UXS1: variants seen among roughly 807,000 people sequenced by gnomAD.
UXS1 encodes the protein UDP-glucuronate decarboxylase 1.
Under a neutral mutation model 62.6 loss-of-function variants are expected in UXS1, and 33 were observed. That is an observed-to-expected ratio of 0.53 (90% CI 0.40 to 0.70). UXS1 has a LOEUF of 0.70. Among genes scored for constraint, UXS1 ranks in the 30% least tolerant of loss-of-function variants. The probability of loss-of-function intolerance (pLI) is 0.00; values close to 1 mark genes in which losing one functional copy is unlikely to be tolerated. For synonymous variants in UXS1, 213 were observed against 206.8 expected (o/e 1.03, Z -0.26); for missense variants, 434 against 556.3 (o/e 0.78, Z 2.21).
intron 1 of UXS1, among the ~76,000 whole-genome samples, chr2:106,178,956 G>A (rs993871448): frequency 2.0e-5 from 3 of 152,316 alleles, no homozygotes; most frequent in East Asian, 3.9e-4. Flanking sequence ...ACAGCAGGGC[G>A]GTGTTGATAA....
At chr2:106,094,879 G>GT (rs1676948894) in intron 14 of UXS1, among the ~76,000 whole-genome samples, 3 of 152,234 alleles carry the variant, frequency 2.0e-5, no homozygotes, top group Admixed American at 6.5e-5. Flanking sequence ...GGTTTCACAG[G>GT]TGTCAAAATA....
chr2:106,144,393 CAAG>C (rs1330439484), intron 6 of UXS1, among the ~76,000 whole-genome samples: 3 of 152,070 alleles, frequency 2.0e-5, no homozygotes, highest in Non-Finnish European at 2.9e-5. Context: ...GAAGAAACAG[CAAG>C]AAGAATATGA....
intron 5 of UXS1, among the ~76,000 whole-genome samples, chr2:106,147,674 T>C (rs1228347080): frequency 1.3e-5 from 2 of 152,184 alleles, no homozygotes; most frequent in East Asian, 3.8e-4. Flanking sequence ...GCCAAACCAA[T>C]GTAAAAGCCC....
chr2:106,139,406 G>A (rs911454613), intron 6 of UXS1, among the ~76,000 whole-genome samples: 1 of 152,118 alleles, frequency 6.6e-6, no homozygotes, highest in East Asian at 1.9e-4. Flanking sequence ...GCACAGCTGC[G>A]ACTTACTCGG....
intron 11 of UXS1, among the ~76,000 whole-genome samples, chr2:106,103,443 G>A (rs143321824): frequency 7.7e-4 from 118 of 152,344 alleles, no homozygotes; most frequent in Admixed American, 2.5e-3. Context: ...ACAGCTGGGT[G>A]AGTGGAGGAG....
chr2:106,183,745 A>T (rs1406114509), intron 1 of UXS1: 1 of 152,248 alleles, frequency 6.6e-6, no homozygotes, highest in African/African-American at 2.4e-5. Flanking sequence ...AGCTCTTTAG[A>T]GAAATCCCTT....
At chr2:106,170,980 A>G (rs1683518268) in intron 1 of UXS1, among the ~76,000 whole-genome samples, 1 of 152,102 alleles carries the variant, frequency 6.6e-6, no homozygotes, top group Non-Finnish European at 1.5e-5. Flanking sequence ...ATCAATATTA[A>G]GTAAAGTAAG....
chr2:106,155,027 G>C (rs1682326634), intron 5 of UXS1, among the ~76,000 whole-genome samples: 1 of 152,102 alleles, frequency 6.6e-6, no homozygotes, highest in Non-Finnish European at 1.5e-5. Context: ...GGCAAGACAG[G>C]GAGAAGAAGG....
intron 6 of UXS1, among the ~76,000 whole-genome samples, chr2:106,140,298 T>C (rs752070956): frequency 2.0e-5 from 3 of 152,172 alleles, no homozygotes; most frequent in Non-Finnish European, 4.4e-5. Context: ...GGCTGCTCCA[T>C]AGGAAGCCTC....
chr2:106,096,571 A>C, intron 14 of UXS1, 147 bp downstream of exon 14: 1 of 608,306 alleles, frequency 1.6e-6, no homozygotes, highest in South Asian at 2.9e-5. Context: ...GCTGTTTACC[A>C]CTTGGAGAAA....
chr2:106,124,995 C>CT (rs1679812550), intron 8 of UXS1, among the ~76,000 whole-genome samples: 1 of 152,188 alleles, frequency 6.6e-6, no homozygotes, highest in African/African-American at 2.4e-5. Context: ...TCTCCTGAAC[C>CT]TTGCACACCC....
At chr2:106,143,437 A>G (rs961954288) in intron 6 of UXS1, among the ~76,000 whole-genome samples, 2 of 122,750 alleles carry the variant, frequency 1.6e-5, no homozygotes, top group Admixed American at 8.5e-5. Flanking sequence ...AAAAAAAAAA[A>G]AGGTATAATT....
At chr2:106,144,019 C>T (rs1276666916) in intron 6 of UXS1, among the ~76,000 whole-genome samples, 2 of 152,336 alleles carry the variant, frequency 1.3e-5, no homozygotes, top group African/African-American at 4.8e-5. Flanking sequence ...TTGATTCTAT[C>T]AGCAAAGTCC....
At chr2:106,161,114 A>G (rs1470361955) in intron 4 of UXS1, among the ~76,000 whole-genome samples, 2 of 122,362 alleles carry the variant, frequency 1.6e-5, no homozygotes, top group Non-Finnish European at 3.5e-5. Flanking sequence ...TGGCTGGGCC[A>G]CATGCTGAGC....
intron 5 of UXS1, among the ~76,000 whole-genome samples, chr2:106,150,918 G>A (rs1372506562): frequency 6.6e-6 from 1 of 152,192 alleles, no homozygotes; most frequent in Admixed American, 6.5e-5. Context: ...GCGTACCCAG[G>A]ACTCAGGCCA....
chr2:106,148,046 T>C (rs1269995137), intron 5 of UXS1, among the ~76,000 whole-genome samples: 2 of 152,244 alleles, frequency 1.3e-5, no homozygotes. Context: ...GCCTTCAAGA[T>C]AAGAAACTGA....
At chr2:106,128,999 G>T (rs915942034) in intron 7 of UXS1, among the ~76,000 whole-genome samples, 11 of 151,888 alleles carry the variant, frequency 7.2e-5, no homozygotes, top group African/African-American at 2.4e-4. Flanking sequence ...GGAGTTTTTT[G>T]AAAAAACTGT....
At chr2:106,168,228 T>C (rs1683331204) in intron 1 of UXS1, among the ~76,000 whole-genome samples, 1 of 152,136 alleles carries the variant, frequency 6.6e-6, no homozygotes, top group South Asian at 2.1e-4. Flanking sequence ...AGAAGCTGAC[T>C]AAAACCCACC....
At chr2:106,163,744 CAA>C in intron 3 of UXS1, 34 bp from the exon 4 acceptor site, 1 of 1,373,202 alleles carries the variant, frequency 7.3e-7, no homozygotes, top group Non-Finnish European at 9.6e-7. Flanking sequence ...AGTTTTAAAG[CAA>C]AAACACAGTT....
Sources: gnomAD v4.1 joint callset for allele counts (sites outside exome capture counted in the v4.1 genomes callset) on GRCh38, gnomAD v4.1.1 for gene constraint, MANE v1.5 for transcripts, NCBI Gene and HGNC (gene_info 2026-07-23, HGNC 2026-07-21) for gene names.